The following HMG20A variants were observed in gnomAD, a reference collection of about 807,000 sequenced individuals.
The protein encoded by HMG20A is high mobility group protein 20A.
In HMG20A, 17 loss-of-function variants were observed where a neutral mutation model predicts 43.9. The ratio of observed to expected loss-of-function variants is 0.39; its 90% CI spans 0.27 to 0.58. The LOEUF is 0.58. Ranked by LOEUF, HMG20A falls within the 20% of genes least tolerant of loss-of-function variation. The pLI is 0.59. For missense variants in HMG20A, 341 were observed against 438.2 expected (o/e 0.78, Z 1.98); for synonymous variants, 132 against 147.5 (o/e 0.89, Z 0.76).
intron 1 of HMG20A, among the ~76,000 whole-genome samples, chr15:77,431,215 A>T (rs2073481229): frequency 6.6e-6 from 1 of 151,608 alleles, no homozygotes; most frequent in African/African-American, 2.4e-5. Context: ...TTTTTATTTT[A>T]TTTTATTTTA....
At chr15:77,444,877 T>C (rs905730831) in intron 1 of HMG20A, among the ~76,000 whole-genome samples, 1 of 152,232 alleles carries the variant, frequency 6.6e-6, no homozygotes, top group African/African-American at 2.4e-5. Context: ...AAACTCTAAA[T>C]TTCATCTTAC....
intron 1 of HMG20A, among the ~76,000 whole-genome samples, chr15:77,445,063 T>C (rs1327904321): frequency 1.3e-5 from 2 of 152,184 alleles, no homozygotes; most frequent in Non-Finnish European, 2.9e-5. Flanking sequence ...TGAAAAACAC[T>C]TTGATGGGAT....
At chr15:77,493,786 T>C in the HMG20A span, among the ~76,000 whole-genome samples, 1 of 152,124 alleles carries the variant, frequency 6.6e-6, no homozygotes, top group Non-Finnish European at 1.5e-5. Context: ...GTGCTTCACA[T>C]GGATGGTCCA....
At chr15:77,504,988 G>T in the HMG20A span, among the ~76,000 whole-genome samples, 1 of 152,206 alleles carries the variant, frequency 6.6e-6, no homozygotes, top group African/African-American at 2.4e-5. Context: ...TATGTTAGTT[G>T]ACTCACTGAG....
At chr15:77,476,818 G>A (rs1475156295) in intron 6 of HMG20A, among the ~76,000 whole-genome samples, 1 of 152,060 alleles carries the variant, frequency 6.6e-6, no homozygotes, top group African/African-American at 2.4e-5. Context: ...AGATCATTGT[G>A]GAATATATTT....
At chr15:77,461,327 AG>A (rs2072702953) in intron 2 of HMG20A, among the ~76,000 whole-genome samples, 1 of 152,216 alleles carries the variant, frequency 6.6e-6, no homozygotes, top group African/African-American at 2.4e-5. Flanking sequence ...AAAGGAAAGG[AG>A]AAAAATTGGG....
chr15:77,467,642 T>C (rs1321606163), intron 4 of HMG20A, among the ~76,000 whole-genome samples: 1 of 152,210 alleles, frequency 6.6e-6, no homozygotes, highest in Non-Finnish European at 1.5e-5. Flanking sequence ...TGAAAAGTCG[T>C]GAATTAAATG....
At chr15:77,439,299 G>A (rs80209249) in intron 1 of HMG20A, among the ~76,000 whole-genome samples, 3,043 of 151,970 alleles carry the variant, frequency 0.02, 102 homozygotes, top group African/African-American at 0.068. Context: ...TAAAACTGTG[G>A]TACATACAGT....
Position 77,464,366 on chromosome 15 carries a change from T to G in HMG20A, c.216T>G (p.Asn72Lys). ...QSESSNAAEG[N>K]EQRHEDEQRS... is the part of the protein sequence containing the mutation. ...AGTCTTCAAATGCAGCAGAAGGCAA[T>G]GAACAGAGGCATGAAGATGAGGTAA... Residue 72 changes from asparagine (N) to lysine (K), a missense_variant, in exon 3 of 10, where the codon AAT becomes AAG. Asn to Lys is a moderately conservative substitution (Grantham distance 94, BLOSUM62 0). This residue lies in a region of HMG20A where 220 missense variants were observed against 263.6 expected (regional missense o/e 0.83). Coordinates refer to ENST00000336216, the MANE Select transcript of HMG20A (RefSeq NM_001304504.2). The G allele has an allele frequency of 6.2e-7, 1 of 1,613,774 alleles. No homozygotes were observed. The highest frequency in any genetic ancestry group is 8.5e-7 in the Non-Finnish European group (1 of 1,179,752).
intron 1 of HMG20A, among the ~76,000 whole-genome samples, chr15:77,450,657 T>C (rs2073726732): frequency 6.6e-6 from 1 of 152,212 alleles, no homozygotes; most frequent in Admixed American, 6.5e-5. Flanking sequence ...AAAAATAATG[T>C]GTTCGGGGTA....
the HMG20A span, among the ~76,000 whole-genome samples, chr15:77,501,829 C>G: frequency 6.6e-6 from 1 of 152,160 alleles, no homozygotes. Flanking sequence ...GGGAAGGTGC[C>G]TTAGAAGAGG....
the HMG20A span, among the ~76,000 whole-genome samples, chr15:77,506,582 T>C: frequency 2.0e-5 from 3 of 152,226 alleles, no homozygotes; most frequent in Admixed American, 6.5e-5. Context: ...TATTTTTCTC[T>C]TCCTCCCAAA....
At chr15:77,492,390 T>G in the HMG20A span, among the ~76,000 whole-genome samples, 1 of 152,218 alleles carries the variant, frequency 6.6e-6, no homozygotes. Context: ...AATGCAAATT[T>G]TCAATTAGAG....
At chr15:77,515,601 G>T in the HMG20A span, among the ~76,000 whole-genome samples, 1 of 151,862 alleles carries the variant, frequency 6.6e-6, no homozygotes, top group African/African-American at 2.4e-5. Flanking sequence ...GAAAACTGCT[G>T]ATTAAAAAAA....
intron 1 of HMG20A, among the ~76,000 whole-genome samples, chr15:77,435,072 A>G (rs2073531911): frequency 1.3e-5 from 2 of 152,180 alleles, no homozygotes; most frequent in Non-Finnish European, 2.9e-5. Context: ...TGTAAGTACA[A>G]ATAATTACAT....
intron 9 of HMG20A, chr15:77,479,541 C>T (rs767964841): frequency 1.4e-4 from 66 of 461,900 alleles, no homozygotes; most frequent in Non-Finnish European, 2.1e-4. Context: ...GGGAGGATTG[C>T]TTGAGCCCAG....
chr15:77,453,357 A>T (rs1188498231), intron 1 of HMG20A, among the ~76,000 whole-genome samples: 2 of 152,244 alleles, frequency 1.3e-5, no homozygotes. Context: ...CATTAGGAAA[A>T]TATGAACCAA....
rs150637639 is a variant in HMG20A, at chr15:77,476,253, A to T, written c.616-1302A>T. Among the ~76,000 whole-genome samples the T allele has an allele frequency of 8.9e-3, 1,352 of 152,226 alleles. 22 individuals are homozygous for T. The highest frequency in any genetic ancestry group is 0.031 in the African/African-American group (1,271 of 41,552). Reference sequence around the variant, plus strand: ...TCCCAGCACTTTGGGAGGCCAAGGCAGGTGGATCACCTGAGGTCAGGAGTT... The same window carrying T: ...TCCCAGCACTTTGGGAGGCCAAGGCTGGTGGATCACCTGAGGTCAGGAGTT... On this transcript the variant is annotated intron_variant, in intron 6 of 9. Transcript: ENST00000336216.
At chr15:77,459,942 G>C (rs966805304) in intron 2 of HMG20A, among the ~76,000 whole-genome samples, 9 of 152,146 alleles carry the variant, frequency 5.9e-5, no homozygotes, top group Non-Finnish European at 1.0e-4. Flanking sequence ...AAAATATTTA[G>C]AGATCAAAAT....
Sources: gnomAD v4.1 joint callset for allele counts (sites outside exome capture counted in the v4.1 genomes callset) on GRCh38, gnomAD v4.1.1 for gene constraint, gnomAD v4.1.1 regional missense constraint, MANE v1.5 for transcripts, NCBI Gene and HGNC (gene_info 2026-07-23, HGNC 2026-07-21) for gene names.